DDX3X: variants seen among roughly 807,000 people sequenced by gnomAD.
The protein encoded by DDX3X is ATP-dependent RNA helicase DDX3X.
DDX3X carries 4 observed loss-of-function variants against 52.7 expected under a neutral mutation model. The ratio of observed to expected loss-of-function variants is 0.08; its 90% CI spans 0.04 to 0.17. DDX3X has a LOEUF of 0.17. Among genes scored for constraint, DDX3X ranks in the 10% least tolerant of loss-of-function variants. The pLI is 1.00. For synonymous variants in DDX3X, 192 were observed against 178.1 expected (o/e 1.08, Z -0.62); for missense variants, 222 against 548.6 (o/e 0.40, Z 5.95).
At position 41,334,673 on chromosome X, in the gene DDX3X, T is replaced by C. The variant is rs767097358; in HGVS notation, c.45+376T>C. Reference sequence around the variant, plus strand: ...CGGCGGGACGCGACTGGAGGCCCTTTTGGCTTGGAGGGCTTCGGCCTTCAC... The same window carrying C: ...CGGCGGGACGCGACTGGAGGCCCTTCTGGCTTGGAGGGCTTCGGCCTTCAC... On this transcript the variant is annotated intron_variant, in intron 1 of 16. Transcript: ENST00000644876. 46 of 1,033,247 alleles carry C rather than the reference T, an allele frequency of 4.5e-5. No homozygotes were observed. The South Asian group carries it at 9.1e-4, about 20-fold the overall frequency. 85.2% of individuals were successfully genotyped at this position (1,033,247 alleles called of 1,213,427 possible).
chrX:41,347,048 T>A, intron 15 of DDX3X, 36 bp downstream of exon 15: 1 of 1,135,394 alleles, frequency 8.8e-7, no homozygotes, highest in Non-Finnish European at 1.2e-6. Flanking sequence ...GGGGAATGGG[T>A]GTTCACTTAC....
chrX:41,338,618 A>G (rs2063805117), intron 2 of DDX3X: 1 of 112,045 alleles, frequency 8.9e-6, no homozygotes, highest in African/African-American at 3.2e-5. Flanking sequence ...ATGTTTTGCA[A>G]CTTACTGGCA....
downstream of DDX3X, among the ~76,000 whole-genome samples, chrX:41,355,175 A>C (rs1284574464): frequency 9.0e-6 from 1 of 111,549 alleles, no homozygotes; most frequent in Non-Finnish European, 1.9e-5. Flanking sequence ...TTATCCGTTC[A>C]GCCGTTGAAG....
chrX:41,342,872 A>G (rs1424219503), intron 6 of DDX3X, 36 bp downstream of exon 6: 1 of 1,071,121 alleles, frequency 9.3e-7, no homozygotes, highest in Non-Finnish European at 1.3e-6. Flanking sequence ...AGACACAGAG[A>G]GGTTAAATGT....
intron 5 of DDX3X, chrX:41,364,177 T>C (rs774674880): frequency 1.1e-4 from 31 of 290,419 alleles, no homozygotes; most frequent in Non-Finnish European, 1.7e-4. Flanking sequence ...GTAATGGGAG[T>C]AGGTGGGAGT....
chrX:41,351,872 AATTAT>A (rs1361658511), downstream of DDX3X, among the ~76,000 whole-genome samples: 3 of 110,478 alleles, frequency 2.7e-5, no homozygotes, highest in African/African-American at 6.6e-5. Context: ...AGCACTGTTT[AATTAT>A]ATTATGAAAG....
intron 6 of DDX3X, 123 bp downstream of exon 6, chrX:41,342,959 GAGA>G (rs2063870840): frequency 1.6e-6 from 1 of 623,336 alleles, no homozygotes; most frequent in Non-Finnish European, 2.5e-6. Flanking sequence ...TGTGGAAAAG[GAGA>G]AGTTGAGTTC....
chrX:41,347,797 G>A lies in DDX3X; in HGVS notation c.*78G>A. 7 of 679,854 alleles carry A rather than the reference G, an allele frequency of 1.0e-5. No individual in the cohort carries two copies. The South Asian group carries it at 1.6e-4, about 16-fold the overall frequency. The allele number at this position is 679,854 out of a possible 1,213,427, so 56.0% of individuals were successfully genotyped here. A position where few individuals can be genotyped will look rare whatever the true frequency, so the allele number is the denominator to read the frequency against. Reference sequence around the variant, plus strand: ...GTAACTTAGCCAGACTATACCTTGTGTAGCTTCAAGAACTCGCAGTACATT... The same window carrying A: ...GTAACTTAGCCAGACTATACCTTGTATAGCTTCAAGAACTCGCAGTACATT... On this transcript the variant is annotated 3_prime_UTR_variant, in exon 17 of 17. Coordinates refer to ENST00000644876, the MANE Select transcript of DDX3X (RefSeq NM_001356.5).
intron 5 of DDX3X, among the ~76,000 whole-genome samples, chrX:41,364,086 G>A (rs2064039466): frequency 8.9e-6 from 1 of 111,944 alleles, no homozygotes; most frequent in African/African-American, 3.2e-5. Flanking sequence ...GGTTCAGGAT[G>A]GCAATGTGCC....
intron 1 of DDX3X, chrX:41,336,397 A>AATC (rs767963919): frequency 1.8e-5 from 2 of 112,167 alleles, no homozygotes; most frequent in African/African-American, 6.5e-5. Context: ...AGGCACTAAG[A>AATC]TGTCCTACTC....
intron 2 of DDX3X, chrX:41,338,317 C>G (rs1338337632): frequency 9.0e-6 from 1 of 111,651 alleles, no homozygotes; most frequent in African/African-American, 3.3e-5. Flanking sequence ...CTTTAACTTT[C>G]ACCTTATTTG....
At chrX:41,359,611 A>AAG (rs1186485018) in intron 5 of DDX3X, among the ~76,000 whole-genome samples, 44 of 106,393 alleles carry the variant, frequency 4.1e-4, no homozygotes, top group Admixed American at 7.2e-4. Context: ...AAAAAAAAAA[A>AAG]AAAAGTTGCC....
At chrX:41,333,487 G>A (rs1236171983), upstream of DDX3X, 1 of 110,504 alleles carries the variant, frequency 9.0e-6, no homozygotes. Flanking sequence ...CCCCCGTCCG[G>A]AGCACTCTAT....
intron 3 of DDX3X, chrX:41,339,293 A>G (rs777631273): frequency 5.0e-6 from 1 of 200,182 alleles, no homozygotes; most frequent in Admixed American, 7.5e-5. Flanking sequence ...CCTATGTCAA[A>G]CTGTTCTGAC....
At chrX:41,344,540 C>A (rs759066584) in intron 10 of DDX3X, 141 bp downstream of exon 10, 1 of 689,724 alleles carries the variant, frequency 1.4e-6, no homozygotes, top group African/African-American at 2.1e-5. Flanking sequence ...CGGGTTCAAG[C>A]GATTCTCCTG....
intron 5 of DDX3X, among the ~76,000 whole-genome samples, chrX:41,363,933 T>C (rs2064038988): frequency 8.9e-6 from 1 of 111,892 alleles, no homozygotes; most frequent in African/African-American, 3.2e-5. Flanking sequence ...CCTCATTGTT[T>C]CTGAGCACTG....
intron 3 of DDX3X, 91 bp from the exon 4 acceptor site, chrX:41,341,393 A>G: frequency 2.6e-6 from 2 of 756,733 alleles, no homozygotes; most frequent in Non-Finnish European, 3.8e-6. Context: ...TAGTCAGTGG[A>G]GGCTTTCAAA....
At chrX:41,344,591 C>T in intron 10 of DDX3X, 192 bp downstream of exon 10, 1 of 473,753 alleles carries the variant, frequency 2.1e-6, no homozygotes, top group Non-Finnish European at 3.6e-6. Context: ...GCATGTGCCA[C>T]CACGCTGGGC....
chrX:41,345,697 C>A (rs1467129202), intron 12 of DDX3X, 149 bp downstream of exon 12: 3 of 520,365 alleles, frequency 5.8e-6, no homozygotes, highest in African/African-American at 4.9e-5. Context: ...GGCCTGTTCA[C>A]CCCTCCTTAG....
Sources: allele counts gnomAD v4.1 joint callset (sites outside exome capture counted in the v4.1 genomes callset), GRCh38; gene constraint gnomAD v4.1.1; transcripts MANE v1.5; gene names NCBI Gene and HGNC (gene_info 2026-07-23, HGNC 2026-07-21).